Variants in NEO1 observed in about 807,000 individuals in gnomAD.
The protein encoded by NEO1 is neogenin 1.
In NEO1, 63 loss-of-function variants were observed where a neutral mutation model predicts 159.7. That is an observed-to-expected ratio of 0.39 (90% CI 0.32 to 0.49). The LOEUF is 0.49. Ranked by LOEUF, NEO1 falls within the 20% of genes least tolerant of loss-of-function variation. NEO1 has a pLI of 0.85. For missense variants in NEO1, 1,615 were observed against 1,831.0 expected (o/e 0.88, Z 2.15); for synonymous variants, 633 against 662.0 (o/e 0.96, Z 0.67).
intron 1 of NEO1, among the ~76,000 whole-genome samples, chr15:73,091,721 A>C (rs1274692699): frequency 1.4e-5 from 2 of 142,636 alleles, no homozygotes; most frequent in Non-Finnish European, 1.5e-5. Context: ...ACACCACCAC[A>C]CCTGGCTAAT....
chr15:73,086,948 G>T (rs1181579026), intron 1 of NEO1, among the ~76,000 whole-genome samples: 1 of 152,002 alleles, frequency 6.6e-6, no homozygotes, highest in South Asian at 2.1e-4. Flanking sequence ...GAGCCACCGC[G>T]CCTAGCCAGA....
intron 5 of NEO1, among the ~76,000 whole-genome samples, chr15:73,138,425 A>G (rs1415414129): frequency 6.6e-6 from 1 of 152,236 alleles, no homozygotes; most frequent in Non-Finnish European, 1.5e-5. Context: ...ACTCAATAAA[A>G]GATATACCTG....
chr15:73,270,248 G>T lies in NEO1; in HGVS notation c.2718+15G>T. 2 of 1,613,736 alleles carry T rather than the reference G, an allele frequency of 1.2e-6. No individual in the cohort carries two copies. The highest frequency in any genetic ancestry group is 1.3e-5 in the African/African-American group (1 of 75,004). ...CCAAGTACAAGGTACTGACACATTT[G>T]CCCTGGCTGAAAAAAGCTAATCATT... On this transcript the variant is annotated intron_variant, in intron 17 of 28. Coordinates refer to ENST00000261908, the MANE Select transcript of NEO1 (RefSeq NM_002499.4).
At chr15:73,285,188 C>A (rs998943057) in intron 23 of NEO1, among the ~76,000 whole-genome samples, 2 of 152,044 alleles carry the variant, frequency 1.3e-5, no homozygotes, top group African/African-American at 2.4e-5. Context: ...GGAACAATCT[C>A]ATCTCACTGC....
At chr15:73,127,535 CA>C (rs1387288317) in intron 4 of NEO1, among the ~76,000 whole-genome samples, 2 of 152,152 alleles carry the variant, frequency 1.3e-5, no homozygotes, top group East Asian at 3.9e-4. Flanking sequence ...TTGTGACAAC[CA>C]AAAATGTCCC....
intron 1 of NEO1, among the ~76,000 whole-genome samples, chr15:73,092,246 A>G (rs2069733442): frequency 6.6e-6 from 1 of 152,192 alleles, no homozygotes; most frequent in African/African-American, 2.4e-5. Context: ...TGTGAGATAG[A>G]GATATCAATT....
intron 27 of NEO1, among the ~76,000 whole-genome samples, chr15:73,299,403 T>C (rs1240372011): frequency 1.3e-5 from 2 of 152,132 alleles, no homozygotes; most frequent in East Asian, 3.9e-4. Context: ...TTTTTTTATT[T>C]GGGATGGAGT....
chr15:73,213,354 T>C lies in NEO1; in HGVS notation c.1292-22993T>C, dbSNP rs575042428. On this transcript the variant is annotated intron_variant, in intron 7 of 28. Coordinates refer to ENST00000261908, the MANE Select transcript of NEO1 (RefSeq NM_002499.4). The stretch of plus-strand genomic sequence containing the variant: ...AGTTCTTTAGTGGTGATCTGTGAGA[T>C]TTTGGTTCACCCATCACCTGAACAG... Among the ~76,000 whole-genome samples, 12 of 152,298 alleles carry C rather than the reference T, an allele frequency of 7.9e-5. No homozygotes were observed. The East Asian group carries it at 2.3e-3, about 29-fold the overall frequency.
intron 26 of NEO1, among the ~76,000 whole-genome samples, chr15:73,297,590 G>A (rs545522390): frequency 1.3e-5 from 2 of 152,322 alleles, no homozygotes; most frequent in South Asian, 4.1e-4. Context: ...GTCCAGGTCT[G>A]TCTGACTCCA....
In NEO1 at chr15:73,116,535, TG is replaced by T; in HGVS notation, c.131-4del. On this transcript the variant is annotated splice_polypyrimidine_tract_variant and splice_region_variant and intron_variant, in intron 1 of 28. Coordinates refer to ENST00000261908, the MANE Select transcript of NEO1 (RefSeq NM_002499.4). ...TAACTTTGTTCTTTTTCTTTATTTT[TG>T]TAGGAGCCAGCATTCGAACGTTCAC... The T allele has an allele frequency of 6.6e-7, 1 of 1,509,372 alleles. No individual in the cohort carries two copies. The highest frequency in any genetic ancestry group is 1.4e-5 in the South Asian group (1 of 71,482). 93.5% of individuals were successfully genotyped at this position (1,509,372 alleles called of 1,614,324 possible).
At chr15:73,201,604 T>C (rs185996855) in intron 7 of NEO1, among the ~76,000 whole-genome samples, 1 of 152,310 alleles carries the variant, frequency 6.6e-6, no homozygotes, top group Non-Finnish European at 1.5e-5. Context: ...TCAGATCATC[T>C]ATATACTTAG....
At chr15:73,237,648 T>G (rs754296617) in intron 8 of NEO1, among the ~76,000 whole-genome samples, 5 of 152,224 alleles carry the variant, frequency 3.3e-5, no homozygotes, top group Non-Finnish European at 5.9e-5. Flanking sequence ...TGGCATAATT[T>G]AACACCAACA....
chr15:73,217,842 T>C (rs1301297738), intron 7 of NEO1, among the ~76,000 whole-genome samples: 1 of 152,206 alleles, frequency 6.6e-6, no homozygotes, highest in Non-Finnish European at 1.5e-5. Flanking sequence ...ACAATGGGGT[T>C]TTCTAGATAT....
In NEO1 at chr15:73,300,412, A is replaced by G. The variant is rs532656098; in HGVS notation, c.4166-909A>G. On this transcript the variant is annotated intron_variant, in intron 27 of 28. Transcript: ENST00000261908. Reference sequence around the variant, plus strand: ...ATAAAAACATTCAACTCAAAACTCAAAACTATCACAAGTACCTTTATTTAA... The same window carrying G: ...ATAAAAACATTCAACTCAAAACTCAGAACTATCACAAGTACCTTTATTTAA... 1.3e-3 allele frequency among the ~76,000 whole-genome samples: 198 copies of G among 152,290 alleles called. 1 individual carries two copies. Among genetic ancestry groups the G allele is most frequent in the African/African-American group, 4.3e-3 (177 of 41,570 alleles).
intron 4 of NEO1, among the ~76,000 whole-genome samples, chr15:73,133,894 T>C (rs923584016): frequency 3.3e-5 from 5 of 152,196 alleles, no homozygotes; most frequent in Non-Finnish European, 7.3e-5. Flanking sequence ...CTACTGGTAC[T>C]CACATATGCC....
At chr15:73,266,718 TGTGAGTTGAAACTAAA>T (rs1412013726) in intron 16 of NEO1, among the ~76,000 whole-genome samples, 1 of 152,170 alleles carries the variant, frequency 6.6e-6, no homozygotes, top group East Asian at 1.9e-4. Flanking sequence ...CTTTTGGGCA[TGTGAGTTGAAACTAAA>T]GTGAGTCAAA....
Position 73,102,107 on chromosome 15 carries a change from GC to G in NEO1, c.131-14431del, listed in dbSNP as rs2070432584. Among the ~76,000 whole-genome samples, 4 of 152,208 alleles carry G rather than the reference GC, an allele frequency of 2.6e-5. No individual in the cohort carries two copies. The South Asian group carries it at 8.3e-4, about 32-fold the overall frequency. On this transcript the variant is annotated intron_variant, in intron 1 of 28. Transcript: ENST00000261908. ...TTTTAGTCCAGGTGCGGTGATTCAT[GC>G]CTGTAATCTCAGCACTTTAGAGGCC...
chr15:73,115,491 G>T (rs937793212), intron 1 of NEO1, among the ~76,000 whole-genome samples: 4 of 152,268 alleles, frequency 2.6e-5, no homozygotes, highest in African/African-American at 9.6e-5. Flanking sequence ...TATTTCTTTA[G>T]AGGTGTTTGT....
intron 7 of NEO1, among the ~76,000 whole-genome samples, chr15:73,206,613 TG>T (rs1444439859): frequency 2.6e-5 from 4 of 152,144 alleles, no homozygotes; most frequent in South Asian, 2.1e-4. Context: ...TGTTTTGTTT[TG>T]TTTTTTTAAT....
Sources: allele counts gnomAD v4.1 joint callset (sites outside exome capture counted in the v4.1 genomes callset), GRCh38; gene constraint gnomAD v4.1.1; transcripts MANE v1.5; gene names NCBI Gene and HGNC (gene_info 2026-07-23, HGNC 2026-07-21).